The following CNTNAP5 variants were observed in gnomAD, a reference collection of about 807,000 sequenced individuals.
The protein encoded by CNTNAP5 is contactin associated protein family member 5.
In CNTNAP5, 72 loss-of-function variants were observed where a neutral mutation model predicts 150.2. The observed-to-expected ratio is 0.48, with a 90% CI of 0.40 to 0.58. The LOEUF (loss-of-function observed/expected upper bound fraction) is 0.58, where lower values mean the gene tolerates loss of function less well. Ranked by LOEUF, CNTNAP5 falls within the 20% of genes least tolerant of loss-of-function variation. CNTNAP5 has a pLI of 0.00. For missense variants in CNTNAP5, 1,636 were observed against 1,626.2 expected (o/e 1.01, Z -0.10); for synonymous variants, 672 against 619.8 (o/e 1.08, Z -1.25).
At chr2:124,843,610 G>A (rs549953749) in intron 19 of CNTNAP5, among the ~76,000 whole-genome samples, 2 of 152,176 alleles carry the variant, frequency 1.3e-5, no homozygotes, top group South Asian at 4.1e-4. Flanking sequence ...GGTTGCACTG[G>A]TTTACATTCC....
At chr2:124,401,779 A>G (rs1315364617) in intron 3 of CNTNAP5, among the ~76,000 whole-genome samples, 1 of 152,210 alleles carries the variant, frequency 6.6e-6, no homozygotes, top group African/African-American at 2.4e-5. Context: ...TATAGAAGTA[A>G]TAACTTTCAT....
chr2:124,577,347 C>A (rs140005532), intron 11 of CNTNAP5, among the ~76,000 whole-genome samples: 9 of 152,154 alleles, frequency 5.9e-5, no homozygotes, highest in African/African-American at 2.2e-4. Context: ...TAATACATCC[C>A]TAAATCAGTG....
intron 13 of CNTNAP5, among the ~76,000 whole-genome samples, chr2:124,698,357 C>G (rs1679448484): frequency 1.5e-5 from 2 of 131,674 alleles, no homozygotes; most frequent in African/African-American, 5.6e-5. Flanking sequence ...TTTTAATATG[C>G]CCAAGTAGAC....
intron 1 of CNTNAP5, among the ~76,000 whole-genome samples, chr2:124,163,174 T>C (rs981455): frequency 0.053 from 8,133 of 152,130 alleles, 426 homozygotes; most frequent in East Asian, 0.24. Flanking sequence ...AACTGAAGCC[T>C]AGAAATGAGA....
intron 13 of CNTNAP5, among the ~76,000 whole-genome samples, chr2:124,727,741 A>G (rs1680188808): frequency 6.6e-6 from 1 of 151,976 alleles, no homozygotes; most frequent in Non-Finnish European, 1.5e-5. Context: ...GTATAAGATT[A>G]TGTCATCTGC....
intron 1 of CNTNAP5, among the ~76,000 whole-genome samples, chr2:124,083,941 C>T (rs1002870894): frequency 6.6e-6 from 1 of 151,912 alleles, no homozygotes; most frequent in East Asian, 1.9e-4. Context: ...GGAATTTGAT[C>T]GGACTTGTGT....
intron 13 of CNTNAP5, among the ~76,000 whole-genome samples, chr2:124,655,945 G>GAGAGAA (rs1553427800): frequency 2.1e-3 from 114 of 55,502 alleles, no homozygotes; most frequent in South Asian, 9.9e-3. Flanking sequence ...GAGAGAGAGA[G>GAGAGAA]AGAAAGAAAG....
intron 6 of CNTNAP5, among the ~76,000 whole-genome samples, chr2:124,448,629 G>C (rs1692888268): frequency 6.6e-6 from 1 of 152,134 alleles, no homozygotes; most frequent in African/African-American, 2.4e-5. Context: ...AAACTACCTG[G>C]CTTGTCTGGC....
intron 3 of CNTNAP5, among the ~76,000 whole-genome samples, chr2:124,381,649 T>G (rs1178314651): frequency 6.6e-6 from 1 of 151,900 alleles, no homozygotes; most frequent in East Asian, 1.9e-4. Context: ...AGTGGGGAAA[T>G]GAAAGGCTTT....
At chr2:124,850,688 G>A (rs1683136437) in intron 19 of CNTNAP5, among the ~76,000 whole-genome samples, 1 of 152,112 alleles carries the variant, frequency 6.6e-6, no homozygotes, top group South Asian at 2.1e-4. Flanking sequence ...GACCGAGCCC[G>A]GGGACTTTAA....
chr2:124,516,745 G>A lies in CNTNAP5; in HGVS notation c.1328-7558G>A, dbSNP rs1213179060. Among the ~76,000 whole-genome samples the A allele has an allele frequency of 2.0e-5, 3 of 152,162 alleles. No homozygotes were observed. The East Asian group carries it at 5.8e-4, about 29-fold the overall frequency. On this transcript the variant is annotated intron_variant, in intron 8 of 23. Coordinates refer to ENST00000682447, the MANE Select transcript of CNTNAP5 (RefSeq NM_001367498.1). ...AGGTTCATTGACACCTTGCAACATT[G>A]ATTATGATCTTGCTTTTTATTTTGT...
chr2:124,565,693 A>G (rs1342913594), intron 11 of CNTNAP5, among the ~76,000 whole-genome samples: 3 of 140,858 alleles, frequency 2.1e-5, no homozygotes, highest in Middle Eastern at 3.8e-3. Context: ...TCCGCCTCCC[A>G]GGTTCACGCC....
At chr2:124,759,571 T>A (rs1375613572) in intron 14 of CNTNAP5, among the ~76,000 whole-genome samples, 3 of 151,718 alleles carry the variant, frequency 2.0e-5, no homozygotes, top group Non-Finnish European at 4.4e-5. Context: ...TTCTTAGCAG[T>A]AAAGTGACAT....
chr2:124,703,046 G>A (rs559272576), intron 13 of CNTNAP5, among the ~76,000 whole-genome samples: 1 of 152,154 alleles, frequency 6.6e-6, no homozygotes, highest in East Asian at 1.9e-4. Context: ...GTTTAAAAGT[G>A]AAACAAAGAT....
intron 1 of CNTNAP5, among the ~76,000 whole-genome samples, chr2:124,147,278 A>T (rs775517648): frequency 6.6e-6 from 1 of 152,172 alleles, no homozygotes; most frequent in Non-Finnish European, 1.5e-5. Context: ...AAATTCAGAG[A>T]AGTAATTCAA....
chr2:124,307,780 G>A (rs1688728205), intron 3 of CNTNAP5, among the ~76,000 whole-genome samples: 1 of 152,152 alleles, frequency 6.6e-6, no homozygotes, highest in African/African-American at 2.4e-5. Context: ...TGATGATGTA[G>A]CAACCAGATT....
At chr2:124,108,879 A>G (rs763978955) in intron 1 of CNTNAP5, among the ~76,000 whole-genome samples, 4 of 152,168 alleles carry the variant, frequency 2.6e-5, no homozygotes, top group South Asian at 2.1e-4. Context: ...TGCTCCTTAC[A>G]GGGGATATTC....
intron 3 of CNTNAP5, among the ~76,000 whole-genome samples, chr2:124,366,961 C>T (rs1690387627): frequency 6.6e-6 from 1 of 152,168 alleles, no homozygotes; most frequent in Non-Finnish European, 1.5e-5. Flanking sequence ...CTCAGCTGAG[C>T]CTCAGTCTGG....
At chr2:124,124,408 C>A (rs563968051) in intron 1 of CNTNAP5, among the ~76,000 whole-genome samples, 1 of 152,258 alleles carries the variant, frequency 6.6e-6, no homozygotes, top group Non-Finnish European at 1.5e-5. Context: ...AAATATGGGA[C>A]TATGTGAAAA....
Sources: allele counts gnomAD v4.1 joint callset (sites outside exome capture counted in the v4.1 genomes callset), GRCh38; gene constraint gnomAD v4.1.1; transcripts MANE v1.5; gene names NCBI Gene and HGNC (gene_info 2026-07-23, HGNC 2026-07-21).